The following LLGL2 variants were observed in gnomAD, a reference collection of about 807,000 sequenced individuals.
The protein encoded by LLGL2 is LLGL scribble cell polarity complex component 2.
Under a neutral mutation model 123.2 loss-of-function variants are expected in LLGL2, and 81 were observed. The observed-to-expected ratio is 0.66, with a 90% CI of 0.55 to 0.79. LLGL2 has a LOEUF of 0.79. LLGL2 is among the 30% of genes least tolerant of loss of function. LLGL2 has a pLI of 0.00. For missense variants in LLGL2, 1,273 were observed against 1,414.6 expected (o/e 0.90, Z 1.61); for synonymous variants, 577 against 594.1 (o/e 0.97, Z 0.42).
chr17:75,530,378 C>T (rs191107144), intron 1 of LLGL2, among the ~76,000 whole-genome samples: 64 of 152,056 alleles, frequency 4.2e-4, no homozygotes, highest in African/African-American at 1.4e-3. Flanking sequence ...CAGCCAGGCG[C>T]GGTGTCTCAC....
At chr17:75,529,986 G>A (rs1327459406) in intron 1 of LLGL2, among the ~76,000 whole-genome samples, 1 of 152,230 alleles carries the variant, frequency 6.6e-6, no homozygotes, top group African/African-American at 2.4e-5. Context: ...GACCCGTGCT[G>A]AGCTTTGTTT....
At chr17:75,531,029 G>A (rs1473403224) in intron 1 of LLGL2, among the ~76,000 whole-genome samples, 1 of 152,138 alleles carries the variant, frequency 6.6e-6, no homozygotes, top group Non-Finnish European at 1.5e-5. Context: ...GATTAAACCT[G>A]CTGTGAGTTC....
At chr17:75,551,661 T>C (rs6501826) in intron 2 of LLGL2, among the ~76,000 whole-genome samples, 141,861 of 152,150 alleles carry the variant, frequency 0.93, 66,629 homozygotes, top group Middle Eastern at 0.98. Flanking sequence ...CGCCCTTGAC[T>C]TGTGGCCTGA....
At chr17:75,557,428 C>T (rs1055807365) in intron 3 of LLGL2, among the ~76,000 whole-genome samples, 1 of 152,122 alleles carries the variant, frequency 6.6e-6, no homozygotes, top group African/African-American at 2.4e-5. Flanking sequence ...AGCACTGGTT[C>T]TGGCCGACTG....
intron 3 of LLGL2, among the ~76,000 whole-genome samples, chr17:75,557,437 T>TG (rs5822090): frequency 6.6e-6 from 1 of 152,242 alleles, no homozygotes; most frequent in Admixed American, 6.5e-5. Flanking sequence ...TCTGGCCGAC[T>TG]GGGGGCTCCC....
In LLGL2 at chr17:75,543,458, C is replaced by G; in HGVS notation, c.32C>G (p.Pro11Arg). Residue 11 changes from proline to arginine, a missense_variant, in exon 2 of 26, where the codon CCT becomes CGT. Coordinates refer to ENST00000392550, the MANE Select transcript of LLGL2 (RefSeq NM_001031803.2). ...CGGTTCCTGAGGCCAGGGCATGACC[C>G]TGTGCGGGAGAGGCTCAAGCGGGAC... MRRFLRPGHD[P>R]VRERLKRDLF... 6.2e-7 allele frequency: 1 copy of G among 1,612,224 alleles called. No homozygotes were observed. The highest frequency in any genetic ancestry group is 8.5e-7 in the Non-Finnish European group (1 of 1,178,926).
At chr17:75,528,360 C>T (rs1338290406) in intron 1 of LLGL2, among the ~76,000 whole-genome samples, 1 of 151,998 alleles carries the variant, frequency 6.6e-6, no homozygotes, top group Non-Finnish European at 1.5e-5. Flanking sequence ...CGTGATCTGC[C>T]CCTCTCAGCC....
Position 75,570,139 on chromosome 17 carries a change from GC to G in LLGL2, c.1763del (p.Pro588ArgfsTer136). 6.3e-7 allele frequency: 1 copy of G among 1,591,990 alleles called. No homozygotes were observed. Among genetic ancestry groups the G allele is most frequent in the Non-Finnish European group, 8.5e-7 (1 of 1,169,914 alleles). Reference protein sequence around the residue: ...FQPFVLVQCQPPAVVTSLALH... With the variant: ...FQPFVLVQCQXPAVVTSLALH... ...AGCCCTTCGTGTTGGTGCAGTGTCAGCCCCCGGCTGTGGTCACCTCCTTGGC... is the reference window on the plus strand; with the variant it reads ...AGCCCTTCGTGTTGGTGCAGTGTCAGCCCCGGCTGTGGTCACCTCCTTGGC... On this transcript the variant is annotated frameshift_variant, in exon 15 of 26. Transcript: ENST00000392550. LOFTEE classifies it high-confidence loss of function.
chr17:75,561,312 A>G (rs1335517598), intron 6 of LLGL2, among the ~76,000 whole-genome samples: 1 of 152,136 alleles, frequency 6.6e-6, no homozygotes, highest in Non-Finnish European at 1.5e-5. Context: ...TTGTCTAACA[A>G]TTTTCATCTG....
chr17:75,568,936 C>A, intron 12 of LLGL2, 42 bp from the exon 13 acceptor site: 1 of 1,590,394 alleles, frequency 6.3e-7, no homozygotes, highest in South Asian at 1.1e-5. Context: ...GGCATCCCGG[C>A]TGGCATCCCT....
At position 75,544,426 on chromosome 17, in the gene LLGL2, G is replaced by A. The variant is rs983501756; in HGVS notation, c.75+925G>A. Among the ~76,000 whole-genome samples the A allele has an allele frequency of 4.6e-5, 7 of 152,244 alleles. No homozygotes were observed. The highest frequency in any genetic ancestry group is 7.3e-5 in the Non-Finnish European group (5 of 68,038). ...GTGAGACCAGACAGTCTGGAAAAGG[G>A]ATGTCTCCCTGTGGAGAATGAGGAA... On this transcript the variant is annotated intron_variant, in intron 2 of 25. Transcript: ENST00000392550. This position sits in a 1 kb window ranked among gnomAD's most constrained non-coding sequence, Gnocchi z 4.2.
intron 1 of LLGL2, among the ~76,000 whole-genome samples, chr17:75,536,071 C>T (rs993211596): frequency 6.6e-6 from 1 of 152,220 alleles, no homozygotes; most frequent in South Asian, 2.1e-4. Context: ...CAAAAGGGAA[C>T]AGAGCAGGGC....
chr17:75,554,814 G>A (rs2054830382), intron 2 of LLGL2, among the ~76,000 whole-genome samples: 1 of 151,670 alleles, frequency 6.6e-6, no homozygotes, highest in African/African-American at 2.4e-5. Flanking sequence ...GCGTGAACCT[G>A]GGAGGCGGAG....
rs757305953 is a variant in LLGL2 at position 75,556,030 on chromosome 17, G to A, written c.76-16G>A. 49 of 1,604,322 alleles carry A rather than the reference G, an allele frequency of 3.1e-5. No homozygotes were observed. Among genetic ancestry groups the A allele is most frequent in the Admixed American group, 2.3e-4 (14 of 59,976 alleles). On this transcript the variant is annotated splice_polypyrimidine_tract_variant and intron_variant, in intron 2 of 25. Coordinates refer to ENST00000392550, the MANE Select transcript of LLGL2 (RefSeq NM_001031803.2). ...GGACAGGTCTGCAGGCCCACCCCAC[G>A]TGCTTCTCGTTGCAGACGGTGGAGC... is the stretch of plus-strand genomic sequence containing the variant.
rs190854216 is a variant in LLGL2, at chr17:75,553,364, T to C, written c.76-2682T>C. Among the ~76,000 whole-genome samples, 122 of 152,240 alleles carry C rather than the reference T, an allele frequency of 8.0e-4. 1 individual carries two copies. The highest frequency in any genetic ancestry group is 2.6e-3 in the African/African-American group (108 of 41,540). On this transcript the variant is annotated intron_variant, in intron 2 of 25. Transcript: ENST00000392550. ...TTTTGTCTCCAGGCATCCCCCAAAATAGGCACTTGTTGGAGCTCTCCTCCC... is the reference window on the plus strand; with the variant it reads ...TTTTGTCTCCAGGCATCCCCCAAAACAGGCACTTGTTGGAGCTCTCCTCCC...
chr17:75,539,960 CT>C (rs1426403014), intron 1 of LLGL2, among the ~76,000 whole-genome samples: 3 of 152,206 alleles, frequency 2.0e-5, no homozygotes, highest in Non-Finnish European at 4.4e-5. Context: ...TGTTGCTCCC[CT>C]GTCACTGCTG....
chr17:75,560,819 A>C (rs1271146195), intron 6 of LLGL2, among the ~76,000 whole-genome samples: 26 of 109,500 alleles, frequency 2.4e-4, no homozygotes, highest in East Asian at 8.3e-4. Flanking sequence ...AAAAAAAAAA[A>C]AAAAAAAAAA....
chr17:75,558,737 T>C lies in LLGL2; in HGVS notation c.371+110T>C. On this transcript the variant is annotated intron_variant, in intron 5 of 25. Transcript: ENST00000392550. This position sits in a 1 kb window ranked among gnomAD's most constrained non-coding sequence, Gnocchi z 4.0. ...GGCCTGTTGCGCCCCTGGCAGTGAC[T>C]GGCATGCGTTTGGCCCGATGCATCG... 2.3e-6 allele frequency: 2 copies of C among 858,370 alleles called. No individual in the cohort carries two copies. Among genetic ancestry groups the C allele is most frequent in the South Asian group, 1.6e-5 (1 of 63,822 alleles). The allele number at this position is 858,370 out of a possible 1,614,324, so 53.2% of individuals were successfully genotyped here. A position where few individuals can be genotyped will look rare whatever the true frequency, so the allele number is the denominator to read the frequency against.
chr17:75,545,189 C>T (rs1028603819), intron 2 of LLGL2, among the ~76,000 whole-genome samples: 54 of 151,960 alleles, frequency 3.6e-4, no homozygotes, highest in Non-Finnish European at 2.9e-4. Flanking sequence ...AAGGAGTTGT[C>T]CCTTCTTCTT....
Sources: allele counts gnomAD v4.1 joint callset (sites outside exome capture counted in the v4.1 genomes callset), GRCh38; gene constraint gnomAD v4.1.1; non-coding constraint Gnocchi (gnomAD v3.1); transcripts MANE v1.5; gene names NCBI Gene and HGNC (gene_info 2026-07-23, HGNC 2026-07-21).